Variants in XKR4 observed in about 807,000 individuals in gnomAD.
XKR4 encodes the protein XK related 4.
XKR4 carries 12 observed loss-of-function variants against 53.9 expected under a neutral mutation model. That is an observed-to-expected ratio of 0.22 (90% CI 0.14 to 0.36). The LOEUF (loss-of-function observed/expected upper bound fraction) is 0.36, where lower values mean the gene tolerates loss of function less well. Ranked by LOEUF, XKR4 falls within the 10% of genes least tolerant of loss-of-function variation. The pLI is 1.00. For missense variants in XKR4, 799 were observed against 859.5 expected, an observed-to-expected ratio of 0.93 and a Z score of 0.88; for synonymous variants, 354 against 362.4, an observed-to-expected ratio of 0.98 and a Z score of 0.26.
At chr8:55,147,349 G>T (rs1231494135) in intron 1 of XKR4, among the ~76,000 whole-genome samples, 3 of 152,240 alleles carry the variant, frequency 2.0e-5, no homozygotes, top group Non-Finnish European at 2.9e-5. Context: ...GGGCCACTTA[G>T]GTGGACCAGC....
At chr8:55,472,236 G>A (rs1213927466) in intron 2 of XKR4, among the ~76,000 whole-genome samples, 5 of 152,030 alleles carry the variant, frequency 3.3e-5, no homozygotes, top group Non-Finnish European at 7.4e-5. Flanking sequence ...GGGATAGGTA[G>A]CTCTCAATTT....
Position 55,234,459 on chromosome 8 carries a change from G to A in XKR4, c.807-123219G>A, listed in dbSNP as rs148436815. On this transcript the variant is annotated intron_variant, in intron 1 of 2. Transcript: ENST00000327381. ...CAAATTGAGTATCTTTGGGGGCCGA[G>A]TCTGAAGGCTGCTTCTGAATTTAAA... Among the ~76,000 whole-genome samples the A allele has an allele frequency of 3.3e-5, 5 of 152,308 alleles. No individual in the cohort carries two copies. In the East Asian group the frequency reaches 9.6e-4, roughly 29 times the overall value.
intron 1 of XKR4, among the ~76,000 whole-genome samples, chr8:55,219,126 C>T (rs889912689): frequency 6.6e-6 from 1 of 152,092 alleles, no homozygotes; most frequent in African/African-American, 2.4e-5. Context: ...AGCCATTCTC[C>T]AAGCAATCAG....
intron 2 of XKR4, among the ~76,000 whole-genome samples, chr8:55,473,791 TTTCC>T (rs201947489): frequency 0.011 from 1,651 of 151,956 alleles, 33 homozygotes; most frequent in African/African-American, 0.037. Flanking sequence ...ACAGATTCTC[TTTCC>T]TTCCTTCCTT....
At chr8:55,164,326 A>T (rs2291184) in intron 1 of XKR4, 1 of 454,518 alleles carries the variant, frequency 2.2e-6, no homozygotes, top group Non-Finnish European at 4.4e-6. Context: ...TGCTATTTGG[A>T]GGGTGAGATG....
chr8:55,158,690 G>A (rs866975444), intron 1 of XKR4, among the ~76,000 whole-genome samples: 3 of 152,208 alleles, frequency 2.0e-5, no homozygotes, highest in Admixed American at 1.3e-4. Context: ...GTACAAGGAA[G>A]GGGTTCCGTT....
chr8:55,264,001 A>G (rs1371376853), intron 1 of XKR4, among the ~76,000 whole-genome samples: 1 of 152,252 alleles, frequency 6.6e-6, no homozygotes, highest in Non-Finnish European at 1.5e-5. Flanking sequence ...TTCACCATCC[A>G]GAACAGGACC....
chr8:55,467,458 G>A lies in XKR4; in HGVS notation c.1007-55823G>A, dbSNP rs922000080. ...ATCCACAGTCTCTCCCTCACTCAAG[G>A]GGAGTGGATTGCACATGTGTGTTTA... On this transcript the variant is annotated intron_variant, in intron 2 of 2. Coordinates refer to ENST00000327381, the MANE Select transcript of XKR4 (RefSeq NM_052898.2). 2.6e-5 allele frequency among the ~76,000 whole-genome samples: 4 copies of A among 152,238 alleles called. No individual in the cohort carries two copies. The East Asian group carries it at 7.7e-4, about 29-fold the overall frequency.
intron 2 of XKR4, among the ~76,000 whole-genome samples, chr8:55,487,467 C>CTTTTT (rs34679908): frequency 1.4e-5 from 2 of 143,432 alleles, no homozygotes; most frequent in African/African-American, 2.6e-5. Flanking sequence ...GACATGCTTT[C>CTTTTT]TTTTTTTTTT....
At position 55,415,144 on chromosome 8, in the gene XKR4, G is replaced by A. The variant is rs146592123; in HGVS notation, c.1006+57267G>A. On this transcript the variant is annotated intron_variant, in intron 2 of 2. Transcript: ENST00000327381. ...CAGAGGAAAGAAAAGAAATCTTAAA[G>A]ACAGCTTGACAAAGTGATGTCAGAC... Among the ~76,000 whole-genome samples, 18 of 152,322 alleles carry A rather than the reference G, an allele frequency of 1.2e-4. No individual in the cohort carries two copies. In the East Asian group the frequency reaches 2.7e-3, roughly 23 times the overall value.
chr8:55,372,221 C>T (rs1050885307), intron 2 of XKR4, among the ~76,000 whole-genome samples: 1 of 152,198 alleles, frequency 6.6e-6, no homozygotes, highest in Admixed American at 6.5e-5. Flanking sequence ...CAAACACTGG[C>T]TGCTTGTTGG....
At chr8:55,188,739 T>G (rs1245581631) in intron 1 of XKR4, among the ~76,000 whole-genome samples, 1 of 152,224 alleles carries the variant, frequency 6.6e-6, no homozygotes, top group Non-Finnish European at 1.5e-5. Context: ...ATCATGAAGA[T>G]GCTTAGTAAT....
chr8:55,156,287 T>C (rs1816905350), intron 1 of XKR4, among the ~76,000 whole-genome samples: 5 of 151,624 alleles, frequency 3.3e-5, no homozygotes, highest in Admixed American at 3.3e-4. Context: ...GCAATAAATG[T>C]AAGAAAAAAA....
chr8:55,197,511 A>G (rs1817519745), intron 1 of XKR4, among the ~76,000 whole-genome samples: 1 of 152,038 alleles, frequency 6.6e-6, no homozygotes, highest in Non-Finnish European at 1.5e-5. Flanking sequence ...TTAAAATGAA[A>G]TCTGTCTAAC....
chr8:55,289,661 A>AAG (rs1563316488), intron 1 of XKR4, among the ~76,000 whole-genome samples: 3 of 94,062 alleles, frequency 3.2e-5, no homozygotes, highest in East Asian at 3.4e-4. Flanking sequence ...AAGGAAGGAA[A>AAG]AGAAAAGAAA....
At chr8:55,158,166 A>G (rs1816934717) in intron 1 of XKR4, among the ~76,000 whole-genome samples, 1 of 152,254 alleles carries the variant, frequency 6.6e-6, no homozygotes. Context: ...CCTTGCCAGC[A>G]TCTGTTAGTT....
chr8:55,181,520 G>A (rs563225756), intron 1 of XKR4, among the ~76,000 whole-genome samples: 3 of 152,048 alleles, frequency 2.0e-5, no homozygotes, highest in East Asian at 1.9e-4. Flanking sequence ...GGACCACTAC[G>A]GATATGCAGT....
intron 1 of XKR4, among the ~76,000 whole-genome samples, chr8:55,151,497 A>G (rs2129355708): frequency 6.6e-6 from 1 of 152,352 alleles, no homozygotes; most frequent in African/African-American, 2.4e-5. Context: ...TTCAAGCATT[A>G]TGCTGCATTC....
Position 55,263,272 on chromosome 8 carries a change from C to T in XKR4, c.807-94406C>T, listed in dbSNP as rs188633474. On this transcript the variant is annotated intron_variant, in intron 1 of 2. Transcript: ENST00000327381. ...CATTAGTGTCCCACTCTAAGGAGAA[C>T]GTATGGATGTGTGACACCACCGTGG... Among the ~76,000 whole-genome samples the T allele has an allele frequency of 3.9e-5, 6 of 152,324 alleles. No homozygotes were observed. In the East Asian group the frequency reaches 7.7e-4, roughly 20 times the overall value.
Sources: gnomAD v4.1 joint callset for allele counts (sites outside exome capture counted in the v4.1 genomes callset) on GRCh38, gnomAD v4.1.1 for gene constraint, MANE v1.5 for transcripts, NCBI Gene and HGNC (gene_info 2026-07-23, HGNC 2026-07-21) for gene names.